The following EFNA5 variants were observed in gnomAD, a reference collection of about 807,000 sequenced individuals.
EFNA5 encodes the protein ephrin A5.
Under a neutral mutation model 22.9 loss-of-function variants are expected in EFNA5, and 5 were observed. The observed-to-expected ratio is 0.22, with a 90% CI of 0.11 to 0.46. EFNA5 has a LOEUF of 0.46. EFNA5 is among the 20% of genes least tolerant of loss of function. EFNA5 has a pLI of 0.99. For synonymous variants in EFNA5, 113 were observed against 112.2 expected (o/e 1.01, Z -0.04); for missense variants, 237 against 293.3 (o/e 0.81, Z 1.40).
intron 1 of EFNA5, among the ~76,000 whole-genome samples, chr5:107,563,676 A>G (rs1213273672): frequency 2.0e-5 from 3 of 152,176 alleles, no homozygotes; most frequent in Admixed American, 2.0e-4. Context: ...CCCGGCCACA[A>G]GTGATCCTCC....
chr5:107,580,167 T>C (rs1230421246), intron 1 of EFNA5, among the ~76,000 whole-genome samples: 1 of 152,196 alleles, frequency 6.6e-6, no homozygotes, highest in Non-Finnish European at 1.5e-5. Flanking sequence ...CAACTGCCAG[T>C]GCAATTGAAG....
chr5:107,533,990 A>C (rs1184488461), intron 1 of EFNA5, among the ~76,000 whole-genome samples: 3 of 152,208 alleles, frequency 2.0e-5, no homozygotes, highest in Admixed American at 6.5e-5. Flanking sequence ...ATTTCCCCTG[A>C]GAACTATTTT....
chr5:107,629,882 C>A (rs1047478090), intron 1 of EFNA5, among the ~76,000 whole-genome samples: 1 of 151,874 alleles, frequency 6.6e-6, no homozygotes, highest in Non-Finnish European at 1.5e-5. Context: ...CATGGTGATA[C>A]CCCGCTTCTA....
chr5:107,658,602 CTA>C (rs1228165110), intron 1 of EFNA5, among the ~76,000 whole-genome samples: 1 of 152,154 alleles, frequency 6.6e-6, no homozygotes, highest in Non-Finnish European at 1.5e-5. Context: ...CTGCAGAACT[CTA>C]TGAAAAGTTC....
At chr5:107,388,806 T>C (rs1747710021) in intron 2 of EFNA5, among the ~76,000 whole-genome samples, 1 of 152,184 alleles carries the variant, frequency 6.6e-6, no homozygotes, top group Non-Finnish European at 1.5e-5. Flanking sequence ...TTACAATTAG[T>C]TTGGCAATAC....
chr5:107,623,540 C>A (rs1251663377), intron 1 of EFNA5, among the ~76,000 whole-genome samples: 1 of 151,992 alleles, frequency 6.6e-6, no homozygotes, highest in Non-Finnish European at 1.5e-5. Context: ...GAGAGCACAC[C>A]AGTTCTAAGG....
Position 107,381,197 on chromosome 5 carries a change from A to G in EFNA5, c.*58T>C. On this transcript the variant is annotated 3_prime_UTR_variant, in exon 5 of 5. Coordinates refer to ENST00000333274, the MANE Select transcript of EFNA5 (RefSeq NM_001962.3). ...CTTCTTAGGATGAGCAGTTAGGTGG[A>G]TCTCTGGTGTTCCAAGACCCTGATG... 3 of 1,557,232 alleles carry G rather than the reference A, an allele frequency of 1.9e-6. No individual in the cohort carries two copies. The highest frequency in any genetic ancestry group is 2.6e-6 in the Non-Finnish European group (3 of 1,140,228).
At chr5:107,470,669 C>A (rs1426816175) in intron 1 of EFNA5, among the ~76,000 whole-genome samples, 1 of 152,138 alleles carries the variant, frequency 6.6e-6, no homozygotes, top group Admixed American at 6.5e-5. Flanking sequence ...TTCTTCTCCC[C>A]TTTAATATTT....
intron 1 of EFNA5, among the ~76,000 whole-genome samples, chr5:107,482,374 A>C (rs1251295198): frequency 6.6e-6 from 1 of 152,182 alleles, no homozygotes; most frequent in Non-Finnish European, 1.5e-5. Flanking sequence ...TTTAAGACTA[A>C]AAACCTGATT....
intron 1 of EFNA5, among the ~76,000 whole-genome samples, chr5:107,640,155 C>T (rs1170363871): frequency 6.6e-6 from 1 of 152,084 alleles, no homozygotes; most frequent in Admixed American, 6.6e-5. Context: ...ATCTGCATTT[C>T]CCAGACACAC....
intron 2 of EFNA5, among the ~76,000 whole-genome samples, chr5:107,411,443 A>G (rs779530121): frequency 1.3e-5 from 2 of 152,232 alleles, no homozygotes; most frequent in Non-Finnish European, 2.9e-5. Context: ...AGCCAATCAA[A>G]TTCCTTCTCC....
intron 1 of EFNA5, among the ~76,000 whole-genome samples, chr5:107,654,540 T>C (rs34227359): frequency 0.079 from 11,977 of 152,212 alleles, 605 homozygotes; most frequent in Middle Eastern, 0.14. Flanking sequence ...TTTGTTCCTT[T>C]TGCTTAAAGA....
At chr5:107,573,060 C>T (rs996476812) in intron 1 of EFNA5, among the ~76,000 whole-genome samples, 3 of 152,186 alleles carry the variant, frequency 2.0e-5, no homozygotes, top group Admixed American at 6.5e-5. Flanking sequence ...TGTAAAGGCG[C>T]AGTGGGTCTT....
intron 1 of EFNA5, among the ~76,000 whole-genome samples, chr5:107,581,547 C>T (rs1293942819): frequency 2.0e-5 from 3 of 151,530 alleles, no homozygotes; most frequent in Non-Finnish European, 4.4e-5. Flanking sequence ...GTTCCAAAGC[C>T]ATCTACACTA....
At chr5:107,386,891 A>T (rs1426858087) in intron 4 of EFNA5, among the ~76,000 whole-genome samples, 1 of 152,218 alleles carries the variant, frequency 6.6e-6, no homozygotes, top group African/African-American at 2.4e-5. Context: ...TTTGTGTCTT[A>T]CATGAAAACA....
intron 1 of EFNA5, among the ~76,000 whole-genome samples, chr5:107,661,548 C>T (rs1384169226): frequency 6.6e-6 from 1 of 152,142 alleles, no homozygotes; most frequent in Non-Finnish European, 1.5e-5. Context: ...TTCCACATTC[C>T]GACATCTGTC....
At chr5:107,482,826 GTCTCTGTCTCTCTCTCTCTCTCTC>G (rs1561406292) in intron 1 of EFNA5, among the ~76,000 whole-genome samples, 9 of 65,034 alleles carry the variant, frequency 1.4e-4, no homozygotes, top group South Asian at 5.6e-4. Context: ...CTCTCTCTCT[GTCTCTGTCTCTCTCTCTCTCTCTC>G]TCTCTCTCTC....
Position 107,588,153 on chromosome 5 carries a change from A to T in EFNA5, c.125+82336T>A, listed in dbSNP as rs113847270. Among the ~76,000 whole-genome samples the T allele has an allele frequency of 2.7e-3, 407 of 152,306 alleles. 2 individuals carry two copies. Among genetic ancestry groups the T allele is most frequent in the African/African-American group, 9.0e-3 (374 of 41,572 alleles). On this transcript the variant is annotated intron_variant, in intron 1 of 4. Transcript: ENST00000333274. Reference sequence around the variant, plus strand: ...AAGAAGTTAATCAAACCAACCCATTATCTGGAAAGAGTGTTCAAATTCTAC... The same window carrying T: ...AAGAAGTTAATCAAACCAACCCATTTTCTGGAAAGAGTGTTCAAATTCTAC...
chr5:107,494,202 G>A (rs1746897496), intron 1 of EFNA5, among the ~76,000 whole-genome samples: 2 of 152,188 alleles, frequency 1.3e-5, no homozygotes, highest in South Asian at 2.1e-4. Flanking sequence ...TTTCTGGGCT[G>A]GCCAAGACCG....
Sources: gnomAD v4.1 joint callset for allele counts (sites outside exome capture counted in the v4.1 genomes callset) on GRCh38, gnomAD v4.1.1 for gene constraint, MANE v1.5 for transcripts, NCBI Gene and HGNC (gene_info 2026-07-23, HGNC 2026-07-21) for gene names.